The following FRAS1 variants were observed in gnomAD, a reference collection of about 807,000 sequenced individuals.
FRAS1 encodes Fraser extracellular matrix complex subunit 1.
In FRAS1, 290 loss-of-function variants were observed where a neutral mutation model predicts 435.2. The ratio of observed to expected loss-of-function variants is 0.67; its 90% confidence interval spans 0.61 to 0.73. FRAS1 has a LOEUF of 0.73. FRAS1 is among the 30% of genes least tolerant of loss of function. The pLI, the probability that FRAS1 is intolerant of heterozygous loss-of-function variation, is 0.00. For synonymous variants in FRAS1, 1,800 were observed against 1,851.0 expected (o/e 0.97, Z 0.71); for missense variants, 4,860 against 5,001.5 (o/e 0.97, Z 0.85).
chr4:78,245,472 TAG>T lies in FRAS1; in HGVS notation c.309+148_309+149del. ...GCCCATTTGACTTTCTGTGAGCATT[TAG>T]GTTTCTTGTATAAGAGTAAAACATT... On this transcript the variant is annotated intron_variant, in intron 4 of 73. Coordinates refer to ENST00000512123, the MANE Select transcript of FRAS1 (RefSeq NM_025074.7). 7 of 620,694 alleles carry T rather than the reference TAG, an allele frequency of 1.1e-5. No homozygotes were observed. In the South Asian group the frequency reaches 1.4e-4, roughly 12 times the overall value. The allele number at this position is 620,694 out of a possible 1,614,324, so 38.4% of individuals were successfully genotyped here.
chr4:78,128,209 A>G (rs1215342880), intron 2 of FRAS1, among the ~76,000 whole-genome samples: 1 of 152,130 alleles, frequency 6.6e-6, no homozygotes, highest in Non-Finnish European at 1.5e-5. Flanking sequence ...GCCACAATAA[A>G]CATACGTGTG....
chr4:78,422,989 A>C (rs1001344925), intron 34 of FRAS1, among the ~76,000 whole-genome samples: 14 of 152,076 alleles, frequency 9.2e-5, no homozygotes, highest in Admixed American at 9.2e-4. Flanking sequence ...TTCTCATTAA[A>C]GCCAGTGTGT....
intron 35 of FRAS1, 148 bp from the exon 36 acceptor site, chr4:78,428,947 A>T: frequency 1.7e-6 from 1 of 597,108 alleles, no homozygotes; most frequent in Non-Finnish European, 2.8e-6. Flanking sequence ...ATCTCTTCAA[A>T]GGTTAAAGTA....
chr4:78,165,207 C>CTTTGTTTT (rs1721287511), intron 2 of FRAS1, among the ~76,000 whole-genome samples: 1 of 152,172 alleles, frequency 6.6e-6, no homozygotes, highest in South Asian at 2.1e-4. Context: ...GTTTATAAAA[C>CTTTGTTTT]ACTTTCATCA....
rs796151995 is a variant in FRAS1, at chr4:78,458,471, A to G, written c.6764-5550A>G. On this transcript the variant is annotated intron_variant, in intron 47 of 73. Coordinates refer to ENST00000512123, the MANE Select transcript of FRAS1 (RefSeq NM_025074.7). ...TGCAGAATTTAAAACAGAAAACCAG[A>G]TATCACATATGCTCACTTATAAGTG... 2.4e-4 allele frequency among the ~76,000 whole-genome samples: 37 copies of G among 152,332 alleles called. 1 individual carries two copies. Among genetic ancestry groups the G allele is most frequent in the African/African-American group, 8.2e-4 (34 of 41,560 alleles).
At chr4:78,324,197 A>AAAG (rs34119725) in intron 18 of FRAS1, among the ~76,000 whole-genome samples, 42,998 of 151,960 alleles carry the variant, frequency 0.28, 6,484 homozygotes, top group Non-Finnish European at 0.32. Flanking sequence ...ATAAGGGAAA[A>AAAG]AGAAAAATAA....
In FRAS1 at chr4:78,540,959, C is replaced by T. The variant is rs1350254220; in HGVS notation, c.11874C>T (p.His3958=). The part of the protein sequence containing the change: ...LNTKVEVPKR[H]PDRVEKNVNR... ...CCAAGGTAGAAGTGCCCAAGAGGCA[C>T]CCGGACCGGGTGGAGAAGAACGTGA... Residue 3958 remains histidine (H), a synonymous_variant, in exon 74 of 74, where the codon CAC becomes CAT. Transcript: ENST00000512123. The T allele has an allele frequency of 1.9e-6, 3 of 1,613,648 alleles. No individual in the cohort carries two copies. The highest frequency in any genetic ancestry group is 3.3e-5 in the Admixed American group (2 of 59,980).
chr4:78,497,347 A>G (rs1720535958), intron 60 of FRAS1, among the ~76,000 whole-genome samples: 1 of 152,010 alleles, frequency 6.6e-6, no homozygotes, highest in Non-Finnish European at 1.5e-5. Context: ...GGAAAAGTCT[A>G]ATTTCTCAGT....
intron 2 of FRAS1, among the ~76,000 whole-genome samples, chr4:78,165,428 G>T (rs1300564779): frequency 6.6e-6 from 1 of 152,168 alleles, no homozygotes; most frequent in East Asian, 1.9e-4. Context: ...TAAATTAGAA[G>T]ACTTGAGTTT....
chr4:78,401,941 A>C (rs926802143), intron 30 of FRAS1, among the ~76,000 whole-genome samples: 1 of 151,904 alleles, frequency 6.6e-6, no homozygotes, highest in Non-Finnish European at 1.5e-5. Context: ...TGGGATTCTC[A>C]GAAGAAACCA....
chr4:78,441,153 C>G lies in FRAS1; in HGVS notation c.5530-9C>G. On this transcript the variant is annotated splice_polypyrimidine_tract_variant and intron_variant, in intron 40 of 73. Coordinates refer to ENST00000512123, the MANE Select transcript of FRAS1 (RefSeq NM_025074.7). ...CACCAAGGACTCTCTATGTTCTTTTCTTTCTTAGGTTGATGAGGGAGGGAG... is the reference window on the plus strand; with the variant it reads ...CACCAAGGACTCTCTATGTTCTTTTGTTTCTTAGGTTGATGAGGGAGGGAG... 4 of 1,613,384 alleles carry G rather than the reference C, an allele frequency of 2.5e-6. No homozygotes were observed. Among genetic ancestry groups the G allele is most frequent in the Non-Finnish European group, 3.4e-6 (4 of 1,179,680 alleles).
chr4:78,522,147 A>G (rs2109894922), intron 68 of FRAS1, among the ~76,000 whole-genome samples: 1 of 152,296 alleles, frequency 6.6e-6, no homozygotes, highest in South Asian at 2.1e-4. Flanking sequence ...GTGCAGTTTT[A>G]AAGAGTGGGG....
intron 2 of FRAS1, among the ~76,000 whole-genome samples, chr4:78,121,811 C>T (rs1719041883): frequency 6.6e-6 from 1 of 152,140 alleles, no homozygotes; most frequent in East Asian, 1.9e-4. Flanking sequence ...AGGCAAATTT[C>T]ACACAGAATA....
At chr4:78,278,512 G>T in intron 9 of FRAS1, 143 bp from the exon 10 acceptor site, 1 of 616,106 alleles carries the variant, frequency 1.6e-6, no homozygotes, top group Non-Finnish European at 2.9e-6. Flanking sequence ...CAGGACAGGG[G>T]GAGATGAAAC....
intron 2 of FRAS1, among the ~76,000 whole-genome samples, chr4:78,210,920 C>T (rs1376295928): frequency 6.6e-6 from 1 of 152,114 alleles, no homozygotes; most frequent in Non-Finnish European, 1.5e-5. Context: ...AGTTTATGGG[C>T]ACCCCATGTC....
intron 26 of FRAS1, among the ~76,000 whole-genome samples, chr4:78,377,860 A>G (rs1731840529): frequency 6.6e-6 from 1 of 151,332 alleles, no homozygotes; most frequent in Non-Finnish European, 1.5e-5. Flanking sequence ...AAGCTCTGGC[A>G]GTGGAGCCCA....
At chr4:78,417,371 T>C (rs1462096744) in intron 32 of FRAS1, among the ~76,000 whole-genome samples, 1 of 152,202 alleles carries the variant, frequency 6.6e-6, no homozygotes, top group Non-Finnish European at 1.5e-5. Flanking sequence ...ATAGTTTTGA[T>C]ATTAAAAGGT....
chr4:78,207,695 G>C (rs1055747804), intron 2 of FRAS1, among the ~76,000 whole-genome samples: 9 of 152,314 alleles, frequency 5.9e-5, no homozygotes, highest in Admixed American at 2.6e-4. Context: ...AGTTTGAAAA[G>C]AATCCAGGTC....
chr4:78,201,831 G>A (rs1275722273), intron 2 of FRAS1, among the ~76,000 whole-genome samples: 1 of 152,142 alleles, frequency 6.6e-6, no homozygotes, highest in African/African-American at 2.4e-5. Context: ...AGGATTCAGT[G>A]TGAGTTGGGA....
Sources: gnomAD v4.1 joint callset for allele counts (sites outside exome capture counted in the v4.1 genomes callset) on GRCh38, gnomAD v4.1.1 for gene constraint, MANE v1.5 for transcripts, NCBI Gene and HGNC (gene_info 2026-07-23, HGNC 2026-07-21) for gene names.